Variants in ANKRD50 observed in about 807,000 individuals in gnomAD.
ANKRD50 encodes the protein ankyrin repeat domain 50, also known as ankyrin repeat domain-containing protein 50.
ANKRD50 carries 40 observed loss-of-function variants against 112.0 expected under a neutral mutation model. The ratio of observed to expected loss-of-function variants is 0.36; its 90% CI spans 0.28 to 0.46. The LOEUF (loss-of-function observed/expected upper bound fraction) is 0.46, where lower values mean the gene tolerates loss of function less well. Ranked by LOEUF, ANKRD50 falls within the 20% of genes least tolerant of loss-of-function variation. ANKRD50 has a pLI of 1.00. For synonymous variants in ANKRD50, 613 were observed against 619.1 expected, an observed-to-expected ratio of 0.99 and a Z score of 0.15; for missense variants, 1,487 against 1,701.7, an observed-to-expected ratio of 0.87 and a Z score of 2.22.
intron 2 of ANKRD50, among the ~76,000 whole-genome samples, chr4:124,697,894 T>C (rs1725287963): frequency 1.3e-5 from 2 of 151,674 alleles, no homozygotes; most frequent in African/African-American, 4.8e-5. Flanking sequence ...GCGTTGAAGA[T>C]TGAGAATTGA....
At chr4:124,705,891 C>T (rs1420304686) in intron 2 of ANKRD50, among the ~76,000 whole-genome samples, 2 of 151,988 alleles carry the variant, frequency 1.3e-5, no homozygotes, top group African/African-American at 4.8e-5. Context: ...AAAATATAAA[C>T]ATCAACTTAG....
chr4:124,671,861 A>G lies in ANKRD50; in HGVS notation c.1416T>C (p.Ala472=). 14 of 1,613,878 alleles carry G rather than the reference A, an allele frequency of 8.7e-6. No homozygotes were observed. Among genetic ancestry groups the G allele is most frequent in the Non-Finnish European group, 1.2e-5 (14 of 1,179,868 alleles). Residue 472 remains alanine, a synonymous_variant, in exon 4 of 5, where the codon GCT becomes GCC. Coordinates refer to ENST00000504087, the MANE Select transcript of ANKRD50 (RefSeq NM_020337.3). ...SNLQLETAEL[A]LWMIWNGTPV... is the part of the protein sequence containing the mutation. Reference sequence around the variant, plus strand: ...GTGTACCATTCCATATCATCCACAGAGCTAACTCCGCTGTCTCTAATTGTA... The same window carrying G: ...GTGTACCATTCCATATCATCCACAGGGCTAACTCCGCTGTCTCTAATTGTA...
At chr4:124,695,617 G>A (rs1209620034) in intron 2 of ANKRD50, among the ~76,000 whole-genome samples, 1 of 152,114 alleles carries the variant, frequency 6.6e-6, no homozygotes, top group Non-Finnish European at 1.5e-5. Flanking sequence ...AAGGGATGGT[G>A]CTTACTTTAA....
rs1219030182 is a variant in ANKRD50 at position 124,670,496 on chromosome 4, G to A, written c.2781C>T (p.Asp927=). 2 of 1,613,624 alleles carry A rather than the reference G, an allele frequency of 1.2e-6. No individual in the cohort carries two copies. The highest frequency in any genetic ancestry group is 4.5e-5 in the East Asian group (2 of 44,844). ...LRVAALEGHR[D]IVELLFSHGA... The stretch of plus-strand genomic sequence containing the variant: ...CATGGCTAAAAAGCAATTCAACAAT[G>A]TCCCTGTGCCCTTCTAATGCAGCAA... Residue 927 remains aspartate, a synonymous_variant, in exon 4 of 5, where the codon GAC becomes GAT. Coordinates refer to ENST00000504087, the MANE Select transcript of ANKRD50 (RefSeq NM_020337.3).
At chr4:124,708,974 T>C (rs758911669) in intron 2 of ANKRD50, among the ~76,000 whole-genome samples, 2 of 151,250 alleles carry the variant, frequency 1.3e-5, no homozygotes. Context: ...TTTCACCCCA[T>C]TAGATTTGAG....
In ANKRD50 at chr4:124,671,696, G is replaced by T. The variant is rs1185208755; in HGVS notation, c.1581C>A (p.Ser527=). The T allele has an allele frequency of 6.2e-7, 1 of 1,613,826 alleles. No individual in the cohort carries two copies. Among genetic ancestry groups the T allele is most frequent in the Middle Eastern group, 1.7e-4 (1 of 6,058 alleles). The part of the protein sequence containing the change: ...IVRQALERED[S]IRTLLDNGAS... ...CTCCATTATCTAATAATGTCCGAAT[G>T]GAATCCTCTCTTTCTAAGGCTTGTC... is the stretch of plus-strand genomic sequence containing the variant. Residue 527 remains serine (S), a synonymous_variant, in exon 4 of 5, where the codon TCC becomes TCA. Transcript: ENST00000504087.
Position 124,671,999 on chromosome 4 carries a change from T to C in ANKRD50, c.1278A>G (p.Leu426=). 1 of 1,613,956 alleles carries C rather than the reference T, an allele frequency of 6.2e-7. No individual in the cohort carries two copies. Among genetic ancestry groups the C allele is most frequent in the Non-Finnish European group, 8.5e-7 (1 of 1,179,888 alleles). The change falls in exon 4 of 5, where the codon TTA becomes TTG. Residue 426 remains leucine, a synonymous_variant. Transcript: ENST00000504087. The stretch of plus-strand genomic sequence containing the variant: ...TTCTGTGTCCTTCTGCTGCATTACA[T>C]AAATACTTCTGAGTACAGTGTTTCA... ...LDVKHCTQKY[L]CNAAEGHRML...
intron 3 of ANKRD50, among the ~76,000 whole-genome samples, chr4:124,678,275 TA>T (rs1724785650): frequency 6.6e-6 from 1 of 150,736 alleles, no homozygotes; most frequent in Non-Finnish European, 1.5e-5. Context: ...CGGTAGTAAA[TA>T]AAGAAAAGTA....
chr4:124,691,469 G>A (rs899238551), intron 2 of ANKRD50, among the ~76,000 whole-genome samples: 40 of 134,502 alleles, frequency 3.0e-4, no homozygotes, highest in East Asian at 1.3e-3. Flanking sequence ...TCCGCAGTCC[G>A]GCCTGGGCGA....
chr4:124,708,702 A>G, intron 2 of ANKRD50, among the ~76,000 whole-genome samples: 1 of 151,346 alleles, frequency 6.6e-6, no homozygotes, highest in South Asian at 2.1e-4. Flanking sequence ...ACACACACAC[A>G]CACACACACA....
At position 124,678,672 on chromosome 4, in the gene ANKRD50, T is replaced by C. The variant is rs767218080; in HGVS notation, c.742+4A>G. 3.1e-6 allele frequency: 5 copies of C among 1,609,868 alleles called. No homozygotes were observed. The highest frequency in any genetic ancestry group is 4.2e-6 in the Non-Finnish European group (5 of 1,176,562). On this transcript the variant is annotated splice_donor_region_variant and intron_variant, in intron 3 of 4. Coordinates refer to ENST00000504087, the MANE Select transcript of ANKRD50 (RefSeq NM_020337.3). ...TAAGGATGGCAGTAAGTAATTATGC[T>C]TACCAGTAAACATTTTAGTAACAGC...
chr4:124,681,199 C>T (rs1276422611), intron 2 of ANKRD50, among the ~76,000 whole-genome samples: 3 of 152,130 alleles, frequency 2.0e-5, no homozygotes, highest in Non-Finnish European at 2.9e-5. Context: ...CCATCACTGC[C>T]AACTTTAATT....
chr4:124,701,307 T>C (rs1163247609), intron 2 of ANKRD50, among the ~76,000 whole-genome samples: 5 of 151,922 alleles, frequency 3.3e-5, no homozygotes, highest in Non-Finnish European at 7.4e-5. Context: ...CAATCTCTTA[T>C]GACAAACACC....
chr4:124,677,533 G>A (rs1424147357), intron 3 of ANKRD50, among the ~76,000 whole-genome samples: 3 of 151,900 alleles, frequency 2.0e-5, no homozygotes, highest in East Asian at 3.9e-4. Context: ...TAATAGCAAC[G>A]ATATATTTCT....
intron 2 of ANKRD50, among the ~76,000 whole-genome samples, chr4:124,684,278 T>C (rs1340960249): frequency 1.3e-5 from 2 of 152,140 alleles, no homozygotes; most frequent in Non-Finnish European, 2.9e-5. Context: ...AAAAGTTGAG[T>C]GTATGCAGTG....
chr4:124,696,405 C>T (rs923468519), intron 2 of ANKRD50, among the ~76,000 whole-genome samples: 3 of 151,982 alleles, frequency 2.0e-5, no homozygotes, highest in Non-Finnish European at 4.4e-5. Context: ...GTACAACATA[C>T]ATACAATTGT....
At chr4:124,704,494 C>G (rs1485676871) in intron 2 of ANKRD50, among the ~76,000 whole-genome samples, 2 of 152,176 alleles carry the variant, frequency 1.3e-5, no homozygotes, top group Non-Finnish European at 2.9e-5. Flanking sequence ...AAAGAACAGA[C>G]AGCAGGTTAA....
chr4:124,678,557 G>T, intron 3 of ANKRD50, 119 bp downstream of exon 3: 1 of 849,864 alleles, frequency 1.2e-6, no homozygotes, highest in Non-Finnish European at 1.8e-6. Context: ...GCACAATTGA[G>T]AATAGCTGAT....
At chr4:124,695,253 T>G (rs1338313118) in intron 2 of ANKRD50, among the ~76,000 whole-genome samples, 1 of 152,164 alleles carries the variant, frequency 6.6e-6, no homozygotes, top group Non-Finnish European at 1.5e-5. Flanking sequence ...AATTAGAATT[T>G]CAGAGGATAG....
Sources: allele counts gnomAD v4.1 joint callset (sites outside exome capture counted in the v4.1 genomes callset), GRCh38; gene constraint gnomAD v4.1.1; transcripts MANE v1.5; gene names NCBI Gene and HGNC (gene_info 2026-07-23, HGNC 2026-07-21).